NECAB1: variants seen among roughly 807,000 people sequenced by gnomAD.
NECAB1 encodes the protein N-terminal EF-hand calcium-binding protein 1.
A neutral mutation model predicts 57.5 loss-of-function variants in NECAB1; 29 were observed. The ratio of observed to expected loss-of-function variants is 0.50; its 90% CI spans 0.38 to 0.69. The LOEUF (loss-of-function observed/expected upper bound fraction) is 0.69. NECAB1 is among the 30% of genes least tolerant of loss of function. NECAB1 has a pLI of 0.00. For synonymous variants in NECAB1, 142 were observed against 147.7 expected, an observed-to-expected ratio of 0.96 and a Z score of 0.28; for missense variants, 372 against 413.8, an observed-to-expected ratio of 0.90 and a Z score of 0.88.
intron 2 of NECAB1, among the ~76,000 whole-genome samples, chr8:90,809,431 T>A (rs1811914309): frequency 6.6e-6 from 1 of 152,226 alleles, no homozygotes; most frequent in African/African-American, 2.4e-5. Context: ...ACAGCAAAAA[T>A]TTCCATATTA....
chr8:90,922,485 G>GTTTTTTTTTT (rs1586127873), intron 6 of NECAB1, among the ~76,000 whole-genome samples: 3 of 65,218 alleles, frequency 4.6e-5, no homozygotes, highest in African/African-American at 9.9e-5. Flanking sequence ...CAAAAACTTG[G>GTTTTTTTTTT]ATTTTTTTTT....
At chr8:90,859,044 A>G (rs1812847466) in intron 3 of NECAB1, 1 of 152,180 alleles carries the variant, frequency 6.6e-6, no homozygotes, top group South Asian at 2.1e-4. Flanking sequence ...TCTAGTACCC[A>G]TAAAAGACAC....
intron 3 of NECAB1, among the ~76,000 whole-genome samples, chr8:90,869,434 C>T (rs1420710475): frequency 1.3e-5 from 2 of 152,206 alleles, no homozygotes; most frequent in Non-Finnish European, 2.9e-5. Context: ...AATGTCAGCC[C>T]ATGAAAGCAG....
At chr8:90,868,024 G>A (rs999321579) in intron 3 of NECAB1, among the ~76,000 whole-genome samples, 1 of 152,158 alleles carries the variant, frequency 6.6e-6, no homozygotes, top group Non-Finnish European at 1.5e-5. Context: ...GTGATTGTGA[G>A]TGAGTTTTCA....
chr8:90,858,305 A>C (rs1262714978), intron 3 of NECAB1, among the ~76,000 whole-genome samples: 1 of 152,218 alleles, frequency 6.6e-6, no homozygotes, highest in African/African-American at 2.4e-5. Flanking sequence ...TACATCAGAG[A>C]AATGTGAGTA....
chr8:90,850,165 C>T (rs1812656542), intron 3 of NECAB1, among the ~76,000 whole-genome samples: 1 of 152,066 alleles, frequency 6.6e-6, no homozygotes, highest in Non-Finnish European at 1.5e-5. Flanking sequence ...TGGAAAATAG[C>T]TAGAGGGACA....
chr8:90,840,757 G>T (rs1260740546), intron 3 of NECAB1, among the ~76,000 whole-genome samples: 2 of 152,084 alleles, frequency 1.3e-5, no homozygotes, highest in Non-Finnish European at 2.9e-5. Context: ...ATTGCTCATT[G>T]CCGGCTCTTG....
At chr8:90,797,912 C>T (rs1178533563) in intron 1 of NECAB1, among the ~76,000 whole-genome samples, 2 of 152,140 alleles carry the variant, frequency 1.3e-5, no homozygotes, top group African/African-American at 4.8e-5. Context: ...TTGGTTCTTT[C>T]CAGGTTATAT....
intron 8 of NECAB1, among the ~76,000 whole-genome samples, chr8:90,933,525 A>T (rs550569275): frequency 7.1e-4 from 108 of 152,296 alleles, no homozygotes; most frequent in Middle Eastern, 6.8e-3. Context: ...GAGCTAAGCT[A>T]TGAGGATGCA....
At chr8:90,870,750 T>G (rs1344368173) in intron 3 of NECAB1, among the ~76,000 whole-genome samples, 2 of 152,228 alleles carry the variant, frequency 1.3e-5, no homozygotes, top group African/African-American at 4.8e-5. Flanking sequence ...TAGAGACAAG[T>G]AATCTGACAG....
intron 3 of NECAB1, among the ~76,000 whole-genome samples, chr8:90,826,568 T>C (rs1389425964): frequency 1.2e-4 from 18 of 151,940 alleles, no homozygotes; most frequent in African/African-American, 2.4e-5. Flanking sequence ...ATGCTAATGC[T>C]TTGTTATGTA....
chr8:90,940,756 A>G, intron 9 of NECAB1, 30 bp from the exon 10 acceptor site: 2 of 1,529,776 alleles, frequency 1.3e-6, no homozygotes, highest in Non-Finnish European at 8.9e-7. Flanking sequence ...GTGACAGCCA[A>G]CGCAGTGACC....
intron 3 of NECAB1, among the ~76,000 whole-genome samples, chr8:90,839,281 C>A (rs16905437): frequency 5.9e-5 from 9 of 152,002 alleles, no homozygotes; most frequent in African/African-American, 2.2e-4. Context: ...GAGAGGACAC[C>A]GTTAAATTTG....
chr8:90,841,026 G>A (rs2129744099), intron 3 of NECAB1, among the ~76,000 whole-genome samples: 1 of 151,870 alleles, frequency 6.6e-6, no homozygotes, highest in Middle Eastern at 3.4e-3. Flanking sequence ...GGGAGGCCGA[G>A]GCGGGCGGAT....
At chr8:90,919,044 A>G (rs1810043201) in intron 6 of NECAB1, among the ~76,000 whole-genome samples, 1 of 152,232 alleles carries the variant, frequency 6.6e-6, no homozygotes, top group Admixed American at 6.5e-5. Context: ...TCAAAATTCA[A>G]TGCCACCAAT....
intron 5 of NECAB1, among the ~76,000 whole-genome samples, chr8:90,900,494 T>C (rs898366983): frequency 6.6e-6 from 1 of 152,202 alleles, no homozygotes; most frequent in African/African-American, 2.4e-5. Context: ...GTTAGTAGAC[T>C]TGCCTAAAAT....
At chr8:90,950,903 AC>A in intron 11 of NECAB1, among the ~76,000 whole-genome samples, 1 of 152,154 alleles carries the variant, frequency 6.6e-6, no homozygotes, top group Admixed American at 6.5e-5. Flanking sequence ...CTGGTTTAAA[AC>A]CTTTTTAAAA....
chr8:90,836,555 T>C (rs1461512503), intron 3 of NECAB1, among the ~76,000 whole-genome samples: 1 of 152,214 alleles, frequency 6.6e-6, no homozygotes, highest in African/African-American at 2.4e-5. Flanking sequence ...TTTACATAAC[T>C]AACTTTTCCT....
chr8:90,849,358 G>C (rs1812635819), intron 3 of NECAB1, among the ~76,000 whole-genome samples: 1 of 151,372 alleles, frequency 6.6e-6, no homozygotes, highest in Non-Finnish European at 1.5e-5. Context: ...AGTTCCAGCT[G>C]CTTGGGAGGC....
Sources: gnomAD v4.1 joint callset for allele counts (sites outside exome capture counted in the v4.1 genomes callset) on GRCh38, gnomAD v4.1.1 for gene constraint, MANE v1.5 for transcripts, NCBI Gene and HGNC (gene_info 2026-07-23, HGNC 2026-07-21) for gene names.